The following AADAT variants were observed in gnomAD, a reference collection of about 807,000 sequenced individuals.
The protein encoded by AADAT is kynurenine/alpha-aminoadipate aminotransferase, mitochondrial.
AADAT carries 25 observed loss-of-function variants against 56.2 expected under a neutral mutation model. The observed-to-expected ratio is 0.44, with a 90% confidence interval of 0.32 to 0.62. The LOEUF (loss-of-function observed/expected upper bound fraction) is 0.62. AADAT is among the 20% of genes least tolerant of loss of function. The pLI is 0.04. For synonymous variants in AADAT, 173 were observed against 164.7 expected (o/e 1.05, Z -0.39); for missense variants, 387 against 510.5 (o/e 0.76, Z 2.33).
chr4:170,090,611 TTAAA>T (rs1732785335), upstream of AADAT: 1 of 152,226 alleles, frequency 6.6e-6, no homozygotes, highest in Non-Finnish European at 1.5e-5. Context: ...TGACCTTTCG[TTAAA>T]TAAGAATTAT....
chr4:170,066,191 T>TA (rs1013133886), intron 10 of AADAT, among the ~76,000 whole-genome samples: 1 of 152,104 alleles, frequency 6.6e-6, no homozygotes, highest in African/African-American at 2.4e-5. Context: ...TTTTTTTTTT[T>TA]AATCACAAAT....
Position 170,078,514 on chromosome 4 carries a change from G to C in AADAT, c.439C>G (p.Gln147Glu). ...TAGTAAAAATGTATACTCACACTTT[G>C]AAGAGTTCCTGAATAAGCAGGTTCA... Reference protein sequence around the residue: ...LDEPAYSGTLQSLHPLGCNII... With the variant: ...LDEPAYSGTLESLHPLGCNII... Residue 147 changes from glutamine to glutamate, a missense_variant, in exon 4 of 13, where the codon CAA becomes GAA. By Grantham distance (29) the Gln-to-Glu change is conservative. Coordinates refer to ENST00000337664, the MANE Select transcript of AADAT (RefSeq NM_016228.4). 1 of 1,600,790 alleles carries C rather than the reference G, an allele frequency of 6.2e-7. No individual in the cohort carries two copies. Among genetic ancestry groups the C allele is most frequent in the Non-Finnish European group, 8.5e-7 (1 of 1,171,510 alleles).
At chr4:170,094,112 A>G (rs1241428144), upstream of AADAT, among the ~76,000 whole-genome samples, 5 of 152,270 alleles carry the variant, frequency 3.3e-5, no homozygotes, top group South Asian at 1.0e-3. Flanking sequence ...ATTGATTGCA[A>G]GCTGGCTGAT....
Position 170,087,113 on chromosome 4 carries a change from T to G in AADAT, c.369+3A>C. On this transcript the variant is annotated splice_donor_region_variant and intron_variant, in intron 3 of 12. Transcript: ENST00000337664. ...TTTGGCTGAGTTTTCCTTTCAGTCT[T>G]ACCTTACAAAGACCTTGTTGGCTGC... 3.7e-6 allele frequency: 6 copies of G among 1,613,834 alleles called. No individual in the cohort carries two copies. Among genetic ancestry groups the G allele is most frequent in the Non-Finnish European group, 5.1e-6 (6 of 1,179,980 alleles).
chr4:170,067,821 T>C (rs1001760143), intron 8 of AADAT, among the ~76,000 whole-genome samples: 2 of 152,090 alleles, frequency 1.3e-5, no homozygotes, highest in Non-Finnish European at 2.9e-5. Flanking sequence ...TTACATGACA[T>C]ATTTGGAGAT....
intron 11 of AADAT, among the ~76,000 whole-genome samples, chr4:170,062,477 G>A (rs962476453): frequency 2.6e-5 from 4 of 152,184 alleles, no homozygotes; most frequent in Non-Finnish European, 5.9e-5. Context: ...GCCCTGAGAT[G>A]GGAAGAAAAT....
At chr4:170,067,719 A>G (rs1731540380) in intron 8 of AADAT, among the ~76,000 whole-genome samples, 1 of 152,198 alleles carries the variant, frequency 6.6e-6, no homozygotes, top group Non-Finnish European at 1.5e-5. Context: ...ACAGCCTGAA[A>G]TCAGTCAGGC....
chr4:170,068,053 C>T (rs565298017), intron 8 of AADAT, among the ~76,000 whole-genome samples: 4 of 150,586 alleles, frequency 2.7e-5, no homozygotes, highest in Non-Finnish European at 5.9e-5. Context: ...GCAGGAGAAT[C>T]GCTTGAACCC....
intron 5 of AADAT, 32 bp downstream of exon 5, chr4:170,073,104 C>A: frequency 6.3e-7 from 1 of 1,599,300 alleles, no homozygotes; most frequent in Non-Finnish European, 8.6e-7. Context: ...GAAACAGGAA[C>A]ACAACTACTT....
chr4:170,068,557 CA>C (rs3214945), intron 8 of AADAT, 33 bp downstream of exon 8: 1,344 of 1,338,898 alleles, frequency 1.0e-3, no homozygotes, highest in Admixed American at 1.9e-3. Flanking sequence ...AATCTGATTA[CA>C]AAAAAAAAAT....
rs565062340 is a variant in AADAT, at chr4:170,067,228, T to G, written c.962+99A>C. 4 of 893,546 alleles carry G rather than the reference T, an allele frequency of 4.5e-6. No individual in the cohort carries two copies. In the South Asian group the frequency reaches 4.9e-5, roughly 11 times the overall value. 55.4% of individuals were successfully genotyped at this position (893,546 alleles called of 1,614,324 possible). A position where few individuals can be genotyped will look rare whatever the true frequency, so the allele number is the denominator to read the frequency against. The stretch of plus-strand genomic sequence containing the variant: ...TCCTATTGTCTCTCCTTTCCGAGGA[T>G]ACTTAGGAAGGAAGAATAAATCAAT... On this transcript the variant is annotated intron_variant, in intron 9 of 12. Transcript: ENST00000337664.
chr4:170,073,001 A>G (rs1731847915), intron 5 of AADAT, 135 bp downstream of exon 5: 24 of 754,504 alleles, frequency 3.2e-5, no homozygotes, highest in Non-Finnish European at 4.4e-5. Flanking sequence ...CCCTGAGCAT[A>G]TATGATTTCC....
At chr4:170,064,659 T>C in intron 11 of AADAT, 60 bp downstream of exon 11, 3 of 1,339,792 alleles carry the variant, frequency 2.2e-6, no homozygotes, top group Non-Finnish European at 3.1e-6. Context: ...TCAAGCAAAA[T>C]ATTAAAGAAA....
upstream of AADAT, among the ~76,000 whole-genome samples, chr4:170,091,865 A>C (rs1732854612): frequency 1.3e-5 from 2 of 152,236 alleles, no homozygotes; most frequent in African/African-American, 4.8e-5. Flanking sequence ...GGGATTGTGA[A>C]TACACCAATC....
intron 11 of AADAT, among the ~76,000 whole-genome samples, chr4:170,062,771 T>C (rs192222058): frequency 6.6e-6 from 1 of 152,204 alleles, no homozygotes; most frequent in Non-Finnish European, 1.5e-5. Flanking sequence ...GGTTGGCCCA[T>C]ACAAATCATC....
At chr4:170,091,384 C>T (rs149067109), upstream of AADAT, among the ~76,000 whole-genome samples, 1,068 of 152,304 alleles carry the variant, frequency 7.0e-3, 17 homozygotes, top group African/African-American at 0.024. Context: ...CCAGCAGCTG[C>T]GGAGGGTGTG....
In AADAT at chr4:170,083,612, AT is replaced by A. The variant is rs1177351622; in HGVS notation, c.369+3503del. Among the ~76,000 whole-genome samples the A allele has an allele frequency of 2.0e-5, 3 of 152,182 alleles. No homozygotes were observed. In the East Asian group the frequency reaches 5.8e-4, roughly 29 times the overall value. On this transcript the variant is annotated intron_variant, in intron 3 of 12. Transcript: ENST00000337664. ...TTAACAGACATTTCTAAAAGAAGAC[AT>A]AAAAACGGCCAAAAGGCATTAAAAA...
intron 3 of AADAT, among the ~76,000 whole-genome samples, chr4:170,084,618 C>T (rs551469225): frequency 6.6e-6 from 1 of 152,188 alleles, no homozygotes; most frequent in East Asian, 1.9e-4. Context: ...AGTCCTTTTT[C>T]CTATCACTTT....
At chr4:170,094,274 T>TA (rs1450818986), upstream of AADAT, among the ~76,000 whole-genome samples, 2 of 152,174 alleles carry the variant, frequency 1.3e-5, no homozygotes, top group African/African-American at 2.4e-5. Flanking sequence ...GGGAAGAGCT[T>TA]ACCAGACAAT....
Sources: allele counts gnomAD v4.1 joint callset (sites outside exome capture counted in the v4.1 genomes callset), GRCh38; gene constraint gnomAD v4.1.1; transcripts MANE v1.5; gene names NCBI Gene and HGNC (gene_info 2026-07-23, HGNC 2026-07-21).